Variants in IMMP2L observed in about 807,000 individuals in gnomAD.
IMMP2L encodes mitochondrial inner membrane protease subunit 2.
Under a neutral mutation model 19.3 loss-of-function variants are expected in IMMP2L, and 18 were observed. That is an observed-to-expected ratio of 0.93 (90% CI 0.64 to 1.38). The LOEUF (loss-of-function observed/expected upper bound fraction) is 1.38, where lower values mean the gene tolerates loss of function less well. Among genes scored for constraint, IMMP2L ranks in the 40% most tolerant of loss-of-function variants. The pLI, the probability that IMMP2L is intolerant of heterozygous loss-of-function variation, is 0.00. For synonymous variants in IMMP2L, 76 were observed against 73.0 expected (o/e 1.04, Z -0.21); for missense variants, 233 against 218.2 (o/e 1.07, Z -0.43).
intron 3 of IMMP2L, among the ~76,000 whole-genome samples, chr7:111,422,966 T>C (rs1420178792): frequency 1.3e-5 from 2 of 151,850 alleles, no homozygotes; most frequent in African/African-American, 4.9e-5. Context: ...TCTGCATCTA[T>C]TGAGATAATC....
At chr7:111,273,630 A>G (rs1031267221) in intron 3 of IMMP2L, among the ~76,000 whole-genome samples, 3 of 152,132 alleles carry the variant, frequency 2.0e-5, no homozygotes, top group East Asian at 1.9e-4. Context: ...GATAGGGGAC[A>G]TTCATTCCAC....
intron 5 of IMMP2L, among the ~76,000 whole-genome samples, chr7:110,842,975 G>A (rs748868934): frequency 6.6e-6 from 1 of 152,020 alleles, no homozygotes; most frequent in Non-Finnish European, 1.5e-5. Flanking sequence ...TAAAACCACA[G>A]CTTAGAAAAA....
intron 3 of IMMP2L, among the ~76,000 whole-genome samples, chr7:111,029,864 A>T (rs1827222137): frequency 6.6e-6 from 1 of 152,190 alleles, no homozygotes; most frequent in Non-Finnish European, 1.5e-5. Flanking sequence ...AAACGGAAGA[A>T]CAGCTTTAAA....
At chr7:111,319,768 T>C (rs954297900) in intron 3 of IMMP2L, among the ~76,000 whole-genome samples, 1 of 151,902 alleles carries the variant, frequency 6.6e-6, no homozygotes, top group Non-Finnish European at 1.5e-5. Context: ...ACAAACAGAT[T>C]AAAGGAAGAC....
At chr7:110,894,798 T>C (rs1302063705) in intron 4 of IMMP2L, among the ~76,000 whole-genome samples, 3 of 152,230 alleles carry the variant, frequency 2.0e-5, no homozygotes, top group Admixed American at 6.5e-5. Context: ...AAGATTTTTC[T>C]CCTGTGTTTT....
chr7:110,944,472 CGT>C (rs994968401), intron 4 of IMMP2L, among the ~76,000 whole-genome samples: 13 of 151,132 alleles, frequency 8.6e-5, no homozygotes, highest in African/African-American at 2.2e-4. Context: ...TGCGCGCGCA[CGT>C]GTGTGTGTGC....
intron 3 of IMMP2L, among the ~76,000 whole-genome samples, chr7:111,255,002 A>AC (rs1315200225): frequency 6.6e-6 from 1 of 152,116 alleles, no homozygotes; most frequent in Non-Finnish European, 1.5e-5. Flanking sequence ...CCTATAACCA[A>AC]ATATAACTAC....
At chr7:110,692,317 G>C (rs1235647185) in intron 5 of IMMP2L, among the ~76,000 whole-genome samples, 1 of 152,102 alleles carries the variant, frequency 6.6e-6, no homozygotes, top group Admixed American at 6.6e-5. Context: ...ATATAGAGTG[G>C]TATAATGGAT....
intron 5 of IMMP2L, among the ~76,000 whole-genome samples, chr7:110,705,414 C>A (rs1338179128): frequency 1.3e-5 from 2 of 151,720 alleles, no homozygotes; most frequent in Admixed American, 6.6e-5. Context: ...TTGCTGTGAA[C>A]TGATTTGTCC....
At chr7:111,093,439 C>T (rs1013766287) in intron 3 of IMMP2L, among the ~76,000 whole-genome samples, 2 of 152,160 alleles carry the variant, frequency 1.3e-5, no homozygotes, top group Non-Finnish European at 1.5e-5. Context: ...GAAGTAGATA[C>T]TCAACCCTCT....
At chr7:110,745,747 G>A (rs1797293111) in intron 5 of IMMP2L, among the ~76,000 whole-genome samples, 1 of 152,164 alleles carries the variant, frequency 6.6e-6, no homozygotes, top group Admixed American at 6.5e-5. Flanking sequence ...AACTCCTCAA[G>A]GAAGCACTAA....
chr7:111,522,358 G>A (rs565720933), intron 1 of IMMP2L, among the ~76,000 whole-genome samples: 14 of 152,100 alleles, frequency 9.2e-5, no homozygotes, highest in East Asian at 3.9e-4. Context: ...AACAATCAAC[G>A]TAATGAAGAG....
At chr7:110,765,472 A>C (rs931596844) in intron 5 of IMMP2L, among the ~76,000 whole-genome samples, 8 of 152,118 alleles carry the variant, frequency 5.3e-5, no homozygotes, top group African/African-American at 1.7e-4. Context: ...GTATGGACTG[A>C]AGAGAATCAT....
At chr7:111,527,769 G>A (rs141250564) in intron 1 of IMMP2L, among the ~76,000 whole-genome samples, 2 of 152,082 alleles carry the variant, frequency 1.3e-5, no homozygotes, top group Non-Finnish European at 2.9e-5. Context: ...CTGCTGACCA[G>A]AGCATTGCTA....
chr7:110,716,334 T>C (rs1256833501), intron 5 of IMMP2L, among the ~76,000 whole-genome samples: 1 of 152,112 alleles, frequency 6.6e-6, no homozygotes, highest in African/African-American at 2.4e-5. Context: ...TTTGATCCTA[T>C]AATGAAGTTT....
intron 3 of IMMP2L, among the ~76,000 whole-genome samples, chr7:111,008,552 G>A (rs1242179905): frequency 6.6e-6 from 1 of 151,614 alleles, no homozygotes; most frequent in Non-Finnish European, 1.5e-5. Context: ...CTTTCTCCAT[G>A]ATACTTATAT....
chr7:111,499,230 G>A (rs1843903415), intron 2 of IMMP2L, among the ~76,000 whole-genome samples: 1 of 152,078 alleles, frequency 6.6e-6, no homozygotes, highest in Non-Finnish European at 1.5e-5. Context: ...GAGTCATAAG[G>A]CCAAGTCAAG....
intron 3 of IMMP2L, among the ~76,000 whole-genome samples, chr7:111,293,403 A>T (rs1821312011): frequency 6.6e-6 from 1 of 151,882 alleles, no homozygotes; most frequent in Admixed American, 6.6e-5. Flanking sequence ...TAAGTAGAAC[A>T]GGGCAAAAAA....
At chr7:111,044,563 AAAAAAT>A (rs1792205544) in intron 3 of IMMP2L, among the ~76,000 whole-genome samples, 1 of 152,184 alleles carries the variant, frequency 6.6e-6, no homozygotes, top group African/African-American at 2.4e-5. Flanking sequence ...CTCTGCCTCA[AAAAAAT>A]AAAAATAAAA....
Sources: allele counts gnomAD v4.1 joint callset (sites outside exome capture counted in the v4.1 genomes callset), GRCh38; gene constraint gnomAD v4.1.1; transcripts MANE v1.5; gene names NCBI Gene and HGNC (gene_info 2026-07-23, HGNC 2026-07-21).